The following NBAS variants were observed in gnomAD, a reference collection of about 807,000 sequenced individuals.
The protein encoded by NBAS is NAG/BC035112 fusion.
NBAS carries 219 observed loss-of-function variants against 302.5 expected under a neutral mutation model. The ratio of observed to expected loss-of-function variants is 0.72; its 90% confidence interval spans 0.65 to 0.81. The LOEUF (loss-of-function observed/expected upper bound fraction) is 0.81, where lower values mean the gene tolerates loss of function less well. Ranked by LOEUF, NBAS falls within the 30% of genes least tolerant of loss-of-function variation. The pLI is 0.00. For synonymous variants in NBAS, 1,118 were observed against 1,021.6 expected (o/e 1.09, Z -1.80); for missense variants, 2,932 against 2,841.6 (o/e 1.03, Z -0.72).
At chr2:15,365,431 C>T (rs1192547905) in intron 32 of NBAS, among the ~76,000 whole-genome samples, 2 of 152,180 alleles carry the variant, frequency 1.3e-5, no homozygotes, top group Non-Finnish European at 2.9e-5. Flanking sequence ...TGGGCCTCTC[C>T]TAACTTCACA....
Position 15,167,112 on chromosome 2 carries a change from C to G in NBAS, c.7052G>C (p.Arg2351Thr). The G allele has an allele frequency of 1.2e-6, 2 of 1,613,824 alleles. No homozygotes were observed. Among genetic ancestry groups the G allele is most frequent in the South Asian group, 1.1e-5 (1 of 91,006 alleles). ...GGTTCTGAAGGCCTGGTGAGTCCCC[C>G]TCACGGCCAGAAGGAGAGACCCGGC... Reference protein sequence around the residue: ...AEAGSLLLAVRGTHQAFRTFS... With the variant: ...AEAGSLLLAVTGTHQAFRTFS... Residue 2351 changes from arginine to threonine, a missense_variant, in exon 52 of 52, where the codon AGG becomes ACG. Arg to Thr is a moderately conservative substitution (Grantham distance 71). Transcript: ENST00000281513.
At chr2:15,089,337 T>C in the NBAS span, among the ~76,000 whole-genome samples, 1 of 152,108 alleles carries the variant, frequency 6.6e-6, no homozygotes, top group Non-Finnish European at 1.5e-5. Context: ...CTTCTCAATA[T>C]GTGCCCGAAG....
chr2:15,332,042 G>A (rs1672378991), intron 35 of NBAS, among the ~76,000 whole-genome samples: 1 of 152,150 alleles, frequency 6.6e-6, no homozygotes, highest in Non-Finnish European at 1.5e-5. Flanking sequence ...ACAGTTGTTG[G>A]CTTTGAAGAG....
chr2:15,308,095 A>T (rs1391919675), intron 40 of NBAS, 121 bp downstream of exon 40: 3 of 1,457,762 alleles, frequency 2.1e-6, no homozygotes, highest in Admixed American at 3.7e-5. Flanking sequence ...GCTGCCTGCC[A>T]CTTGGAATAC....
chr2:14,987,853 C>A, the NBAS span, among the ~76,000 whole-genome samples: 5 of 152,040 alleles, frequency 3.3e-5, no homozygotes, highest in East Asian at 9.6e-4. Context: ...GGTATATATT[C>A]TTTTGCTCTA....
chr2:14,990,947 C>T, the NBAS span, among the ~76,000 whole-genome samples: 1 of 152,138 alleles, frequency 6.6e-6, no homozygotes, highest in Non-Finnish European at 1.5e-5. Context: ...ATGGGAGGGA[C>T]TAAACCTGCC....
chr2:15,194,594 T>C (rs1222172351), intron 48 of NBAS, among the ~76,000 whole-genome samples: 1 of 152,168 alleles, frequency 6.6e-6, no homozygotes, highest in Non-Finnish European at 1.5e-5. Context: ...AAGAAGGAAC[T>C]ATGAAGTATC....
chr2:14,883,621 G>T, the NBAS span, among the ~76,000 whole-genome samples: 2 of 152,136 alleles, frequency 1.3e-5, no homozygotes, highest in South Asian at 4.1e-4. Flanking sequence ...CGTCACTACA[G>T]GTAGCACATC....
chr2:15,341,628 C>A (rs16862519), intron 35 of NBAS, among the ~76,000 whole-genome samples: 3 of 151,766 alleles, frequency 2.0e-5, no homozygotes, highest in Non-Finnish European at 4.4e-5. Context: ...CAGAAATGCA[C>A]GGGCCTTATG....
the NBAS span, among the ~76,000 whole-genome samples, chr2:14,919,846 C>G: frequency 3.5e-3 from 531 of 152,236 alleles, 2 homozygotes; most frequent in African/African-American, 0.012. Flanking sequence ...TTATTTCTAC[C>G]ATATCTGCAT....
intron 14 of NBAS, 147 bp downstream of exon 14, chr2:15,475,540 A>AT (rs1260304522): frequency 3.3e-5 from 28 of 841,882 alleles, no homozygotes; most frequent in Non-Finnish European, 4.7e-5. Flanking sequence ...TAAAAAATGG[A>AT]TTTTTTATAC....
chr2:14,802,896 G>A, the NBAS span, among the ~76,000 whole-genome samples: 1 of 51,644 alleles, frequency 1.9e-5, no homozygotes, highest in Admixed American at 1.8e-4. Flanking sequence ...TGGTGGAGTG[G>A]GGGGAGGGGG....
chr2:15,217,618 T>G (rs1409248824), intron 48 of NBAS, among the ~76,000 whole-genome samples: 2 of 152,262 alleles, frequency 1.3e-5, no homozygotes, highest in African/African-American at 4.8e-5. Context: ...CTTATTGACA[T>G]GATGGTCTAA....
the NBAS span, among the ~76,000 whole-genome samples, chr2:15,084,254 G>GT: frequency 3.0e-4 from 45 of 152,104 alleles, no homozygotes; most frequent in South Asian, 1.0e-3. Context: ...TAGAGACAGG[G>GT]TTTTTGCCAT....
chr2:15,344,793 A>G (rs1209065529), intron 35 of NBAS, among the ~76,000 whole-genome samples: 1 of 152,166 alleles, frequency 6.6e-6, no homozygotes, highest in Non-Finnish European at 1.5e-5. Context: ...ATCCAGTACC[A>G]CATCAAAAAA....
intron 12 of NBAS, among the ~76,000 whole-genome samples, chr2:15,481,296 C>T (rs1268677913): frequency 1.3e-5 from 2 of 152,126 alleles, no homozygotes; most frequent in Admixed American, 6.5e-5. Context: ...TATGTAGGTG[C>T]ATGTATTTGA....
chr2:15,455,758 C>T (rs924076345), intron 21 of NBAS, among the ~76,000 whole-genome samples: 2 of 150,600 alleles, frequency 1.3e-5, no homozygotes, highest in African/African-American at 4.9e-5. Context: ...ACATAGGCAA[C>T]TAGATAGTCA....
At chr2:15,082,832 T>G in the NBAS span, among the ~76,000 whole-genome samples, 1,189 of 152,312 alleles carry the variant, frequency 7.8e-3, 16 homozygotes, top group African/African-American at 0.027. Context: ...GTCTCCAGTT[T>G]ACCGAAGAGG....
intron 51 of NBAS, among the ~76,000 whole-genome samples, chr2:15,169,246 A>T (rs941859585): frequency 6.6e-6 from 1 of 152,120 alleles, no homozygotes; most frequent in African/African-American, 2.4e-5. Flanking sequence ...TTTGACCCAA[A>T]ACACTTAGGT....
Sources: gnomAD v4.1 joint callset for allele counts (sites outside exome capture counted in the v4.1 genomes callset) on GRCh38, gnomAD v4.1.1 for gene constraint, MANE v1.5 for transcripts, NCBI Gene and HGNC (gene_info 2026-07-23, HGNC 2026-07-21) for gene names.